The following GPHN variants were observed in gnomAD, a reference collection of about 807,000 sequenced individuals.
The protein encoded by GPHN is gephyrin.
GPHN carries 17 observed loss-of-function variants against 95.5 expected under a neutral mutation model. The observed-to-expected ratio is 0.18, with a 90% CI of 0.12 to 0.27. GPHN has a LOEUF of 0.27. GPHN is among the 10% of genes least tolerant of loss of function. GPHN has a pLI of 1.00. For synonymous variants in GPHN, 320 were observed against 322.5 expected, an observed-to-expected ratio of 0.99 and a Z score of 0.08; for missense variants, 660 against 978.1, an observed-to-expected ratio of 0.67 and a Z score of 4.34.
At chr14:67,099,306 G>C (rs1429204017) in intron 12 of GPHN, among the ~76,000 whole-genome samples, 1 of 151,916 alleles carries the variant, frequency 6.6e-6, no homozygotes. Context: ...ATTTTTAGTA[G>C]AGACGAGGTT....
intron 1 of GPHN, among the ~76,000 whole-genome samples, chr14:66,587,326 T>C (rs1172265213): frequency 6.6e-6 from 1 of 152,206 alleles, no homozygotes; most frequent in Non-Finnish European, 1.5e-5. Flanking sequence ...ATACCAATGC[T>C]TCTGAAATTC....
At chr14:67,465,869 G>A in the GPHN span, among the ~76,000 whole-genome samples, 2 of 152,186 alleles carry the variant, frequency 1.3e-5, no homozygotes, top group African/African-American at 4.8e-5. Flanking sequence ...CAGAAGAGGA[G>A]GAGGCCATGT....
the GPHN span, among the ~76,000 whole-genome samples, chr14:67,346,917 C>T: frequency 6.6e-6 from 1 of 152,224 alleles, no homozygotes; most frequent in Non-Finnish European, 1.5e-5. Context: ...AGTGATTCTA[C>T]ATTGATATAT....
At chr14:66,685,857 T>A (rs529595201) in intron 2 of GPHN, among the ~76,000 whole-genome samples, 1 of 152,342 alleles carries the variant, frequency 6.6e-6, no homozygotes, top group Non-Finnish European at 1.5e-5. Context: ...CTAGGTTTTC[T>A]TCTAGGGTTT....
the GPHN span, chr14:67,473,318 C>T: frequency 2.0e-6 from 3 of 1,496,960 alleles, no homozygotes; most frequent in Admixed American, 1.9e-5. The surrounding 1 kb of genome is among the most constrained non-coding windows in gnomAD (Gnocchi z 6.5). Context: ...GAGGCTTGGC[C>T]GGAGCAGGGC....
the GPHN span, among the ~76,000 whole-genome samples, chr14:67,315,268 A>ATTTTT: frequency 3.0e-5 from 3 of 101,590 alleles, no homozygotes; most frequent in African/African-American, 4.5e-5. Flanking sequence ...CTTATTTTTA[A>ATTTTT]TTTTTTTTTT....
the GPHN span, among the ~76,000 whole-genome samples, chr14:67,534,720 T>C: frequency 6.6e-6 from 1 of 151,980 alleles, no homozygotes; most frequent in Non-Finnish European, 1.5e-5. Flanking sequence ...TGAAAAAATG[T>C]GGAGCCTCTT....
chr14:66,927,968 A>G (rs145329789), intron 8 of GPHN, among the ~76,000 whole-genome samples: 340 of 152,320 alleles, frequency 2.2e-3, no homozygotes, highest in Non-Finnish European at 3.6e-3. Context: ...TTTTACATCA[A>G]TGTTAATCAG....
intron 9 of GPHN, among the ~76,000 whole-genome samples, chr14:67,001,356 A>G (rs1470024784): frequency 1.3e-5 from 2 of 150,932 alleles, no homozygotes; most frequent in African/African-American, 4.8e-5. Flanking sequence ...ATGATGGCAC[A>G]TTATAATATG....
chr14:66,545,409 T>C (rs374089516), intron 1 of GPHN, among the ~76,000 whole-genome samples: 19,452 of 67,214 alleles, frequency 0.29, 5,179 homozygotes, highest in African/African-American at 0.69. Flanking sequence ...CCCTCCCGGA[T>C]GGGGCGGCTG....
intron 1 of GPHN, among the ~76,000 whole-genome samples, chr14:66,591,370 C>T (rs2061642190): frequency 6.6e-6 from 1 of 152,214 alleles, no homozygotes; most frequent in Non-Finnish European, 1.5e-5. Context: ...CAGATTGTCT[C>T]TCTTTGCAGA....
chr14:67,035,949 TA>T (rs1338660189), intron 10 of GPHN, among the ~76,000 whole-genome samples: 1 of 151,012 alleles, frequency 6.6e-6, no homozygotes, highest in African/African-American at 2.4e-5. Flanking sequence ...AATACAACAA[TA>T]AAAAAGATAA....
chr14:66,923,479 T>A (rs1038945609), intron 7 of GPHN, among the ~76,000 whole-genome samples: 2 of 152,114 alleles, frequency 1.3e-5, no homozygotes, highest in African/African-American at 2.4e-5. Context: ...ATGGATATAT[T>A]TGCATTTCTA....
chr14:67,526,857 T>A, the GPHN span, among the ~76,000 whole-genome samples: 204 of 152,150 alleles, frequency 1.3e-3, no homozygotes, highest in African/African-American at 4.7e-3. Flanking sequence ...ACTCACCCCC[T>A]TTTACAAAGA....
At chr14:67,204,928 G>GA in the GPHN span, 2 of 1,613,624 alleles carry the variant, frequency 1.2e-6, no homozygotes, top group Non-Finnish European at 1.7e-6. Flanking sequence ...AGATCTTCCA[G>GA]AAAATGAGGT....
chr14:67,430,419 C>T, the GPHN span, among the ~76,000 whole-genome samples: 1 of 152,306 alleles, frequency 6.6e-6, no homozygotes, highest in South Asian at 2.1e-4. Context: ...CGCCTGGTCC[C>T]CTGGAATGCC....
chr14:67,734,240 T>G, the GPHN span: 2 of 219,134 alleles, frequency 9.1e-6, no homozygotes, highest in Non-Finnish European at 1.9e-5. Context: ...GGCTATACAC[T>G]CCAACTCTTG....
At chr14:66,573,697 C>T (rs1401375206) in intron 1 of GPHN, among the ~76,000 whole-genome samples, 1 of 152,122 alleles carries the variant, frequency 6.6e-6, no homozygotes, top group African/African-American at 2.4e-5. Context: ...CCTTGTGATC[C>T]ACCTGCATTA....
the GPHN span, chr14:67,581,933 C>A: frequency 1.3e-6 from 1 of 792,368 alleles, no homozygotes; most frequent in South Asian, 1.8e-5. Flanking sequence ...TTTCTGGAGG[C>A]AATACAAAAT....
Sources: gnomAD v4.1 joint callset for allele counts (sites outside exome capture counted in the v4.1 genomes callset) on GRCh38, gnomAD v4.1.1 for gene constraint, Gnocchi (gnomAD v3.1) non-coding constraint, MANE v1.5 for transcripts, NCBI Gene and HGNC (gene_info 2026-07-23, HGNC 2026-07-21) for gene names.